CACNB4: variants seen among roughly 807,000 people sequenced by gnomAD.
CACNB4 encodes the protein calcium voltage-gated channel auxiliary subunit beta 4, also known as voltage-dependent L-type calcium channel subunit beta-4.
Under a neutral mutation model 71.2 loss-of-function variants are expected in CACNB4, and 32 were observed. The ratio of observed to expected loss-of-function variants is 0.45; its 90% CI spans 0.34 to 0.60. CACNB4 has a LOEUF of 0.60. Ranked by LOEUF, CACNB4 falls within the 20% of genes least tolerant of loss-of-function variation. The pLI is 0.01. For missense variants in CACNB4, 464 were observed against 647.9 expected (o/e 0.72, Z 3.08); for synonymous variants, 231 against 236.9 (o/e 0.97, Z 0.23).
intron 2 of CACNB4, among the ~76,000 whole-genome samples, chr2:152,013,087 T>C (rs1182242476): frequency 6.6e-6 from 1 of 152,256 alleles, no homozygotes; most frequent in Admixed American, 6.5e-5. Flanking sequence ...GCTCACATGC[T>C]GCACAGGTTT....
intron 2 of CACNB4, among the ~76,000 whole-genome samples, chr2:152,052,663 AAAT>A (rs1244884000): frequency 3.9e-5 from 6 of 152,174 alleles, no homozygotes; most frequent in Admixed American, 2.0e-4. Flanking sequence ...TGTTATTGCC[AAAT>A]AATATTCTAT....
rs537186935 is a variant in CACNB4 at position 152,022,605 on chromosome 2, C to T, written c.147+75725G>A. Among the ~76,000 whole-genome samples, 46 of 152,296 alleles carry T rather than the reference C, an allele frequency of 3.0e-4. 1 individual carries two copies. The highest frequency in any genetic ancestry group is 6.8e-3 in the Middle Eastern group (2 of 294). On this transcript the variant is annotated intron_variant, in intron 2 of 13. Transcript: ENST00000539935. ...TTAAAATATGCTTGATTTGCATATA[C>T]GAAAGCATGGGCTTTATTTTAATGA... is the stretch of plus-strand genomic sequence containing the variant.
At chr2:152,047,553 T>C (rs1685201183) in intron 2 of CACNB4, among the ~76,000 whole-genome samples, 1 of 152,222 alleles carries the variant, frequency 6.6e-6, no homozygotes, top group South Asian at 2.1e-4. Flanking sequence ...CGATTATGCT[T>C]GTAACTTCTG....
rs576978144 is a variant in CACNB4 at position 151,934,284 on chromosome 2, G to A, written c.148-50914C>T. ...AATGTCCAAGGAAGTGAATGTCGCCGCTTGGTCAGATTTAGAGGCCAGTGA... is the reference window on the plus strand; with the variant it reads ...AATGTCCAAGGAAGTGAATGTCGCCACTTGGTCAGATTTAGAGGCCAGTGA... On this transcript the variant is annotated intron_variant, in intron 2 of 13. Transcript: ENST00000539935. Among the ~76,000 whole-genome samples, 44 of 152,280 alleles carry A rather than the reference G, an allele frequency of 2.9e-4. No individual in the cohort carries two copies. The Middle Eastern group carries it at 0.01, about 35-fold the overall frequency.
chr2:151,876,792 A>G (rs923286526), intron 4 of CACNB4, among the ~76,000 whole-genome samples: 3 of 145,804 alleles, frequency 2.1e-5, no homozygotes, highest in Admixed American at 6.9e-5. Flanking sequence ...ACTATATACT[A>G]TATTTTATAT....
chr2:151,872,544 T>C, intron 5 of CACNB4, 51 bp from the exon 6 acceptor site: 2 of 1,029,142 alleles, frequency 1.9e-6, no homozygotes, highest in Admixed American at 2.0e-5. Flanking sequence ...TCTTTGAAAA[T>C]AGAACTTGAG....
chr2:151,891,491 T>C (rs895078567), intron 2 of CACNB4, among the ~76,000 whole-genome samples: 2 of 152,240 alleles, frequency 1.3e-5, no homozygotes, highest in Admixed American at 1.3e-4. Context: ...ACATTGCAAT[T>C]GTAATTTCAC....
intron 2 of CACNB4, among the ~76,000 whole-genome samples, chr2:152,070,154 T>C (rs1686603179): frequency 6.6e-6 from 1 of 152,128 alleles, no homozygotes; most frequent in African/African-American, 2.4e-5. Flanking sequence ...ACTTCATCAA[T>C]ATTTACAGCT....
At chr2:152,006,878 C>T (rs1682762329) in intron 2 of CACNB4, among the ~76,000 whole-genome samples, 1 of 152,146 alleles carries the variant, frequency 6.6e-6, no homozygotes, top group Non-Finnish European at 1.5e-5. Flanking sequence ...CTCTTTCCAC[C>T]CCAATCCTGC....
chr2:151,952,498 C>T (rs1386101886), intron 2 of CACNB4, among the ~76,000 whole-genome samples: 4 of 152,154 alleles, frequency 2.6e-5, no homozygotes, highest in African/African-American at 4.8e-5. Context: ...GAGAGGTGAT[C>T]TCCAGGAAGG....
At chr2:152,055,102 C>T (rs954819952) in intron 2 of CACNB4, among the ~76,000 whole-genome samples, 2 of 152,170 alleles carry the variant, frequency 1.3e-5, no homozygotes, top group South Asian at 2.1e-4. Flanking sequence ...ACCGCTGCCT[C>T]CCAGGTTCAA....
chr2:151,858,181 G>A (rs528786849), intron 10 of CACNB4: 7 of 152,280 alleles, frequency 4.6e-5, no homozygotes, highest in African/African-American at 1.7e-4. Context: ...CCAGTCAAAT[G>A]GAGCCCTGGG....
At chr2:151,976,065 C>T (rs150489341) in intron 2 of CACNB4, among the ~76,000 whole-genome samples, 261 of 152,318 alleles carry the variant, frequency 1.7e-3, no homozygotes, top group South Asian at 3.9e-3. Flanking sequence ...GCGCACTTTA[C>T]GGTACCCTAA....
chr2:151,986,677 T>G (rs975192986), intron 2 of CACNB4, among the ~76,000 whole-genome samples: 2 of 152,132 alleles, frequency 1.3e-5, no homozygotes, highest in Admixed American at 1.3e-4. Context: ...AAAAAATATA[T>G]AGAGAAAAAC....
chr2:151,840,012 T>C (rs539512861), intron 13 of CACNB4, among the ~76,000 whole-genome samples: 14 of 152,372 alleles, frequency 9.2e-5, no homozygotes, highest in Middle Eastern at 3.4e-3. Context: ...TGCAAAATAA[T>C]CTTCCAATAT....
At chr2:152,097,223 A>G (rs1045822923) in intron 2 of CACNB4, among the ~76,000 whole-genome samples, 1 of 152,180 alleles carries the variant, frequency 6.6e-6, no homozygotes, top group Non-Finnish European at 1.5e-5. Context: ...CCCTTTTAGG[A>G]GAGGTCTGAG....
intron 2 of CACNB4, among the ~76,000 whole-genome samples, chr2:151,978,736 T>C (rs2099874213): frequency 6.6e-6 from 1 of 152,134 alleles, no homozygotes; most frequent in Non-Finnish European, 1.5e-5. Flanking sequence ...CCCTTGCCTC[T>C]AGGGTGGGAT....
chr2:152,028,335 T>C (rs548561758), intron 2 of CACNB4, among the ~76,000 whole-genome samples: 1 of 152,266 alleles, frequency 6.6e-6, no homozygotes, highest in South Asian at 2.1e-4. Flanking sequence ...AAGTGGAACA[T>C]GAACAAGTAC....
intron 2 of CACNB4, among the ~76,000 whole-genome samples, chr2:151,992,987 C>T (rs1681796601): frequency 6.6e-6 from 1 of 152,136 alleles, no homozygotes; most frequent in African/African-American, 2.4e-5. Context: ...CATCAGCTTC[C>T]AAATCTGGTA....
Sources: gnomAD v4.1 joint callset for allele counts (sites outside exome capture counted in the v4.1 genomes callset) on GRCh38, gnomAD v4.1.1 for gene constraint, MANE v1.5 for transcripts, NCBI Gene and HGNC (gene_info 2026-07-23, HGNC 2026-07-21) for gene names.